The following AGBL1 variants were observed in gnomAD, a reference collection of about 807,000 sequenced individuals.
The protein encoded by AGBL1 is AGBL carboxypeptidase 1.
Under a neutral mutation model 118.9 loss-of-function variants are expected in AGBL1, and 130 were observed. The observed-to-expected ratio is 1.09, with a 90% confidence interval of 0.95 to 1.26. AGBL1 has a LOEUF of 1.26. AGBL1 is among the 50% of genes most tolerant of loss of function. The pLI, the probability that AGBL1 is intolerant of heterozygous loss-of-function variation, is 0.00. For synonymous variants in AGBL1, 555 were observed against 478.9 expected (o/e 1.16, Z -2.08); for missense variants, 1,584 against 1,298.1 (o/e 1.22, Z -3.38).
chr15:86,723,562 G>T (rs560891219), intron 22 of AGBL1, among the ~76,000 whole-genome samples: 2 of 152,036 alleles, frequency 1.3e-5, no homozygotes, highest in East Asian at 1.9e-4. Flanking sequence ...ATTAAATGAC[G>T]AGTTAATGGG....
intron 21 of AGBL1, among the ~76,000 whole-genome samples, chr15:86,575,124 G>A (rs905164067): frequency 2.6e-4 from 39 of 152,134 alleles, no homozygotes; most frequent in African/African-American, 9.1e-4. Flanking sequence ...GGGAGGTGGA[G>A]GTGACCGTGA....
intron 5 of AGBL1, among the ~76,000 whole-genome samples, chr15:86,190,288 C>T (rs1245656329): frequency 6.6e-6 from 1 of 151,982 alleles, no homozygotes; most frequent in Non-Finnish European, 1.5e-5. Context: ...ATACAATTAT[C>T]ATTACATTTT....
At chr15:86,760,465 A>C (rs1378085097) in intron 22 of AGBL1, among the ~76,000 whole-genome samples, 1 of 152,082 alleles carries the variant, frequency 6.6e-6, no homozygotes, top group African/African-American at 2.4e-5. Flanking sequence ...TTCTAAATGC[A>C]GAGAAAAACC....
intron 22 of AGBL1, among the ~76,000 whole-genome samples, chr15:86,682,829 G>C (rs575237656): frequency 2.8e-4 from 42 of 152,214 alleles, no homozygotes; most frequent in Non-Finnish European, 5.6e-4. Flanking sequence ...ACTAGATGCT[G>C]TGCTAAGCAT....
chr15:86,326,663 G>T (rs1336688971), intron 17 of AGBL1, among the ~76,000 whole-genome samples: 3 of 152,068 alleles, frequency 2.0e-5, no homozygotes, highest in Non-Finnish European at 2.9e-5. Flanking sequence ...ATTGAGGGAG[G>T]TATATGTTGC....
intron 15 of AGBL1, 143 bp downstream of exon 15, chr15:86,271,849 C>A: frequency 1.3e-6 from 1 of 746,176 alleles, no homozygotes; most frequent in Non-Finnish European, 2.3e-6. Context: ...TGGCCAGTGT[C>A]CGGCCCTTCA....
At chr15:86,303,939 T>A (rs1364320492) in intron 17 of AGBL1, among the ~76,000 whole-genome samples, 2 of 152,106 alleles carry the variant, frequency 1.3e-5, no homozygotes, top group Non-Finnish European at 1.5e-5. Flanking sequence ...GAAAGACATA[T>A]AATAAGTAGG....
At chr15:86,725,252 C>T (rs1260169896) in intron 22 of AGBL1, among the ~76,000 whole-genome samples, 1 of 152,178 alleles carries the variant, frequency 6.6e-6, no homozygotes, top group African/African-American at 2.4e-5. Context: ...CTCTGGTTCT[C>T]ATGTATTTCC....
In AGBL1 at chr15:86,344,346, A is replaced by C. The variant is rs2080505058; in HGVS notation, c.2374+48938A>C. ...AGTATTGAAGTTCTGCCAAGCACGA[A>C]GCCAATAGCTTGGTGTCATGAGGTC... On this transcript the variant is annotated intron_variant, in intron 17 of 22. Coordinates refer to ENST00000614907, the MANE Select transcript of AGBL1 (RefSeq NM_001386094.1). 3.3e-5 allele frequency among the ~76,000 whole-genome samples: 5 copies of C among 152,264 alleles called. No homozygotes were observed. The South Asian group carries it at 1.0e-3, about 32-fold the overall frequency.
chr15:86,771,140 C>T (rs953954596), intron 22 of AGBL1, among the ~76,000 whole-genome samples: 10 of 151,982 alleles, frequency 6.6e-5, no homozygotes, highest in Admixed American at 4.6e-4. Context: ...TAAAAGATTA[C>T]GCACCGGACT....
intron 21 of AGBL1, among the ~76,000 whole-genome samples, chr15:86,628,254 C>T (rs1375369052): frequency 6.6e-6 from 1 of 152,086 alleles, no homozygotes; most frequent in East Asian, 1.9e-4. Context: ...TTGGATGGTG[C>T]GGAGGCCACA....
chr15:86,247,162 C>A (rs1317587773), intron 6 of AGBL1, among the ~76,000 whole-genome samples: 3 of 152,116 alleles, frequency 2.0e-5, no homozygotes, highest in African/African-American at 7.2e-5. Flanking sequence ...TCAAATTTGA[C>A]CAGATGCCCA....
At chr15:86,347,977 T>C (rs1298959320) in intron 17 of AGBL1, among the ~76,000 whole-genome samples, 2 of 152,224 alleles carry the variant, frequency 1.3e-5, no homozygotes, top group African/African-American at 4.8e-5. Context: ...TAATAAACTA[T>C]TGAATGAGAA....
rs544132366 is a variant in AGBL1, at chr15:86,685,353, T to C, written c.3158+10917T>C. Among the ~76,000 whole-genome samples, 11 of 152,234 alleles carry C rather than the reference T, an allele frequency of 7.2e-5. No homozygotes were observed. In the South Asian group the frequency reaches 2.1e-3, roughly 29 times the overall value. ...GCTCATCATAGACTTACTGATTCTA[T>C]TTGTGGTGAGAGATGAGCCTATTGG... On this transcript the variant is annotated intron_variant, in intron 22 of 22. Transcript: ENST00000614907.
At chr15:87,009,643 A>G (rs530814368) in intron 24 of AGBL1, among the ~76,000 whole-genome samples, 2 of 152,288 alleles carry the variant, frequency 1.3e-5, no homozygotes, top group South Asian at 4.1e-4. Flanking sequence ...CAGACACTCA[A>G]TGCCAGCCCA....
intron 1 of AGBL1, among the ~76,000 whole-genome samples, chr15:86,089,178 A>G (rs1895862040): frequency 6.6e-6 from 1 of 152,196 alleles, no homozygotes; most frequent in African/African-American, 2.4e-5. Flanking sequence ...GACCAATGCC[A>G]TGTTATATCT....
At chr15:86,948,818 G>C (rs2080851121) in intron 23 of AGBL1, among the ~76,000 whole-genome samples, 1 of 152,240 alleles carries the variant, frequency 6.6e-6, no homozygotes, top group Non-Finnish European at 1.5e-5. Flanking sequence ...GGACGAGTGA[G>C]ATGTCAAGAA....
chr15:86,147,652 C>T (rs1291097716), intron 3 of AGBL1, among the ~76,000 whole-genome samples: 2 of 152,210 alleles, frequency 1.3e-5, no homozygotes, highest in Non-Finnish European at 1.5e-5. Flanking sequence ...GGCCTACTGC[C>T]TCTAGACTCC....
intron 13 of AGBL1, among the ~76,000 whole-genome samples, chr15:86,268,216 AT>A (rs911933832): frequency 5.7e-4 from 84 of 147,296 alleles, no homozygotes; most frequent in East Asian, 1.6e-3. Flanking sequence ...GTGAAGGGTG[AT>A]TTTTTTTTTT....
Sources: gnomAD v4.1 joint callset for allele counts (sites outside exome capture counted in the v4.1 genomes callset) on GRCh38, gnomAD v4.1.1 for gene constraint, MANE v1.5 for transcripts, NCBI Gene and HGNC (gene_info 2026-07-23, HGNC 2026-07-21) for gene names.